The following RIT2 variants were observed in gnomAD, a reference collection of about 807,000 sequenced individuals.
RIT2 encodes GTP-binding protein Rit2.
A neutral mutation model predicts 23.7 loss-of-function variants in RIT2; 24 were observed. The observed-to-expected ratio is 1.01, with a 90% CI of 0.73 to 1.43. The LOEUF is 1.43. Among genes scored for constraint, RIT2 ranks in the 40% most tolerant of loss-of-function variants. RIT2 has a pLI of 0.00. For missense variants in RIT2, 236 were observed against 266.9 expected, an observed-to-expected ratio of 0.88 and a Z score of 0.81; for synonymous variants, 107 against 91.1, an observed-to-expected ratio of 1.17 and a Z score of -0.99.
chr18:42,749,596 TAA>T (rs960685125), intron 4 of RIT2, among the ~76,000 whole-genome samples: 18 of 151,610 alleles, frequency 1.2e-4, no homozygotes, highest in African/African-American at 4.1e-4. Context: ...TGAAGAAAAA[TAA>T]GTCATAAATA....
chr18:42,788,802 T>G (rs1913977756), intron 4 of RIT2, among the ~76,000 whole-genome samples: 1 of 152,166 alleles, frequency 6.6e-6, no homozygotes, highest in South Asian at 2.1e-4. Context: ...GTTTGTCAGT[T>G]GGTTATTATA....
intron 2 of RIT2, among the ~76,000 whole-genome samples, chr18:43,001,566 C>A (rs1911108760): frequency 6.6e-6 from 1 of 151,704 alleles, no homozygotes; most frequent in Non-Finnish European, 1.5e-5. Context: ...GATATTTTTC[C>A]CATCTCAGTA....
chr18:42,868,310 A>G (rs17714417), intron 4 of RIT2, among the ~76,000 whole-genome samples: 15,933 of 152,120 alleles, frequency 0.1, 958 homozygotes, highest in Middle Eastern at 0.24. Flanking sequence ...ATTGCTCCTT[A>G]GTTTTCATTT....
At chr18:42,747,528 A>G (rs981788851) in intron 4 of RIT2, among the ~76,000 whole-genome samples, 1 of 152,114 alleles carries the variant, frequency 6.6e-6, no homozygotes, top group Non-Finnish European at 1.5e-5. Flanking sequence ...CATTCTTCAC[A>G]GAACTAGAAA....
chr18:42,891,723 G>A (rs532455665), intron 4 of RIT2, among the ~76,000 whole-genome samples: 3 of 152,264 alleles, frequency 2.0e-5, no homozygotes, highest in African/African-American at 7.2e-5. Context: ...AAGTGCCGTG[G>A]TTGCTAGGGG....
chr18:42,919,747 T>G (rs1249656421), intron 4 of RIT2, among the ~76,000 whole-genome samples: 1 of 151,818 alleles, frequency 6.6e-6, no homozygotes, highest in Non-Finnish European at 1.5e-5. Context: ...GCAATTGACA[T>G]AAAACGTTCT....
At chr18:43,003,369 T>C (rs1911151874) in intron 2 of RIT2, among the ~76,000 whole-genome samples, 3 of 151,952 alleles carry the variant, frequency 2.0e-5, no homozygotes, top group African/African-American at 7.2e-5. Context: ...CTAATCTTGT[T>C]TGCATATGTG....
intron 4 of RIT2, among the ~76,000 whole-genome samples, chr18:42,842,269 T>C (rs1329299962): frequency 6.6e-6 from 1 of 152,060 alleles, no homozygotes; most frequent in African/African-American, 2.4e-5. Flanking sequence ...TGGTGGAAAG[T>C]ATACATGGAT....
At chr18:42,944,868 A>G (rs1289193711) in intron 3 of RIT2, among the ~76,000 whole-genome samples, 1 of 152,092 alleles carries the variant, frequency 6.6e-6, no homozygotes, top group Non-Finnish European at 1.5e-5. Flanking sequence ...AAGAAAATAT[A>G]CAATTTATAA....
At chr18:42,848,227 G>A (rs550875666) in intron 4 of RIT2, among the ~76,000 whole-genome samples, 1 of 152,178 alleles carries the variant, frequency 6.6e-6, no homozygotes, top group East Asian at 1.9e-4. Context: ...AATAGGTTTG[G>A]CTGAGACTGT....
chr18:42,793,847 T>C (rs8090510), intron 4 of RIT2, among the ~76,000 whole-genome samples: 31,676 of 152,098 alleles, frequency 0.21, 4,374 homozygotes, highest in East Asian at 0.44. Flanking sequence ...CTGTTATTTA[T>C]TACTTGATAG....
At chr18:43,001,084 TTTCA>T (rs1247345623) in intron 2 of RIT2, among the ~76,000 whole-genome samples, 1 of 152,098 alleles carries the variant, frequency 6.6e-6, no homozygotes, top group Non-Finnish European at 1.5e-5. Flanking sequence ...ATTTCATTTC[TTTCA>T]TTCATTCAAT....
chr18:42,844,143 T>C (rs566029613), intron 4 of RIT2, among the ~76,000 whole-genome samples: 1 of 152,246 alleles, frequency 6.6e-6, no homozygotes, highest in South Asian at 2.1e-4. Flanking sequence ...CTCTGGGCAC[T>C]GACATAAGAG....
At chr18:42,845,501 A>T in intron 4 of RIT2, among the ~76,000 whole-genome samples, 1 of 150,722 alleles carries the variant, frequency 6.6e-6, no homozygotes, top group East Asian at 1.9e-4. Context: ...GAGGAACACT[A>T]TTGACAAACT....
intron 1 of RIT2, among the ~76,000 whole-genome samples, chr18:43,051,572 C>G (rs772414281): frequency 4.6e-5 from 7 of 151,858 alleles, no homozygotes; most frequent in African/African-American, 1.5e-4. Context: ...GTCTAGAGAT[C>G]GGGAGATGAT....
At chr18:42,795,332 G>C (rs556351307) in intron 4 of RIT2, among the ~76,000 whole-genome samples, 1 of 152,280 alleles carries the variant, frequency 6.6e-6, no homozygotes, top group Non-Finnish European at 1.5e-5. Flanking sequence ...TGGAACAGAC[G>C]GCCGACCCTG....
chr18:42,777,371 G>A (rs1207719000), intron 4 of RIT2, among the ~76,000 whole-genome samples: 1 of 151,872 alleles, frequency 6.6e-6, no homozygotes, highest in Admixed American at 6.6e-5. Context: ...TTAAGTCATA[G>A]TCCTGGATGT....
chr18:42,767,488 G>A (rs1036590871), intron 4 of RIT2, among the ~76,000 whole-genome samples: 18 of 152,196 alleles, frequency 1.2e-4, no homozygotes, highest in African/African-American at 4.3e-4. Context: ...TATCTAAGAT[G>A]TAACTAGTCT....
intron 2 of RIT2, among the ~76,000 whole-genome samples, chr18:43,016,198 A>G: frequency 6.6e-6 from 1 of 151,940 alleles, no homozygotes; most frequent in East Asian, 1.9e-4. Flanking sequence ...GATTATATGC[A>G]TCTGGAAGAT....
Sources: gnomAD v4.1 joint callset for allele counts (sites outside exome capture counted in the v4.1 genomes callset) on GRCh38, gnomAD v4.1.1 for gene constraint, MANE v1.5 for transcripts, NCBI Gene and HGNC (gene_info 2026-07-23, HGNC 2026-07-21) for gene names.